Variants in CCDC57 observed in about 807,000 individuals in gnomAD.
The protein encoded by CCDC57 is coiled-coil domain containing 57.
Under a neutral mutation model 118.9 loss-of-function variants are expected in CCDC57, and 118 were observed. The observed-to-expected ratio is 0.99, with a 90% CI of 0.86 to 1.16. CCDC57 has a LOEUF of 1.16. Ranked by LOEUF, CCDC57 falls within the 50% of genes most tolerant of loss-of-function variation. The pLI, the probability that CCDC57 is intolerant of heterozygous loss-of-function variation, is 0.00. For missense variants in CCDC57, 1,300 were observed against 1,320.7 expected (o/e 0.98, Z 0.24); for synonymous variants, 527 against 532.9 (o/e 0.99, Z 0.15).
At position 82,212,397 on chromosome 17, in the gene CCDC57, CTTTT is replaced by C. The variant is rs55941734; in HGVS notation, c.-211+384_-211+387del. Among the ~76,000 whole-genome samples the C allele has an allele frequency of 1.5e-4, 20 of 135,112 alleles. 1 individual carries two copies. The highest frequency in any genetic ancestry group is 2.2e-4 in the South Asian group (1 of 4,568). The allele number at this position is 135,112 out of a possible 152,430, so 88.6% of individuals were successfully genotyped here. The stretch of plus-strand genomic sequence containing the variant: ...CGCCTCCGGCCTTTTTTTTTCCTCT[CTTTT>C]TTTTTTTTTTTTTTTAAACTCACAG... On this transcript the variant is annotated intron_variant, in intron 1 of 19. Transcript: ENST00000665763. The surrounding 1 kb of genome is among the most constrained non-coding windows in gnomAD (Gnocchi z 4.1).
chr17:82,115,277 CAAGAGG>C, intron 19 of CCDC57, among the ~76,000 whole-genome samples: 1 of 44,352 alleles, frequency 2.3e-5, no homozygotes, highest in Non-Finnish European at 4.7e-5. Flanking sequence ...GAAGAGGGGG[CAAGAGG>C]GGGCAAGAGG....
At chr17:82,188,070 GT>G in intron 8 of CCDC57, 148 bp downstream of exon 7, 2 of 536,794 alleles carry the variant, frequency 3.7e-6, no homozygotes, top group South Asian at 3.1e-5. Flanking sequence ...AAAAAAAAGA[GT>G]GGTTAAGAAA....
chr17:82,133,860 A>AAAACAAAC (rs57364948), intron 17 of CCDC57, among the ~76,000 whole-genome samples: 2 of 151,442 alleles, frequency 1.3e-5, no homozygotes, highest in Admixed American at 6.6e-5. Flanking sequence ...ACTGTCTCAA[A>AAAACAAAC]AAACAAACAA....
chr17:82,141,536 G>T (rs2040012613), intron 16 of CCDC57, among the ~76,000 whole-genome samples: 1 of 152,174 alleles, frequency 6.6e-6, no homozygotes, highest in South Asian at 2.1e-4. Flanking sequence ...AATTCTTTAC[G>T]GAAACTTCTA....
At chr17:82,196,220 G>C (rs528281572) in intron 4 of CCDC57, among the ~76,000 whole-genome samples, 1 of 152,234 alleles carries the variant, frequency 6.6e-6, no homozygotes, top group African/African-American at 2.4e-5. Context: ...TTCTTTGGAA[G>C]TGACTTTGGA....
At chr17:82,133,785 G>A (rs1380219962) in intron 17 of CCDC57, among the ~76,000 whole-genome samples, 2 of 151,664 alleles carry the variant, frequency 1.3e-5, no homozygotes, top group African/African-American at 2.4e-5. Context: ...TGCTTGAACC[G>A]GGAGGGGGAG....
At chr17:82,197,621 T>C (rs2048478989) in intron 4 of CCDC57, among the ~76,000 whole-genome samples, 1 of 152,242 alleles carries the variant, frequency 6.6e-6, no homozygotes, top group Non-Finnish European at 1.5e-5. Context: ...TGCTGGTTAA[T>C]TCCATGTGTC....
At chr17:82,137,766 T>C (rs6502065) in intron 16 of CCDC57, among the ~76,000 whole-genome samples, 70,610 of 151,010 alleles carry the variant, frequency 0.47, 17,297 homozygotes, top group East Asian at 0.88. Context: ...CTCTGACTTC[T>C]TGGTTCAAGC....
chr17:82,176,852 T>G (rs1418128606), intron 11 of CCDC57, among the ~76,000 whole-genome samples: 1 of 152,122 alleles, frequency 6.6e-6, no homozygotes, highest in East Asian at 1.9e-4. Context: ...TGAGGGTTTT[T>G]TTTTTTTTTC....
chr17:82,177,278 A>G (rs1393732690), intron 11 of CCDC57, among the ~76,000 whole-genome samples: 3 of 152,110 alleles, frequency 2.0e-5, no homozygotes, highest in Non-Finnish European at 4.4e-5. Flanking sequence ...CAGGAGGCTG[A>G]GGCAGGAGAA....
intron 19 of CCDC57, among the ~76,000 whole-genome samples, chr17:82,119,261 A>T (rs1372542466): frequency 9.9e-5 from 15 of 151,956 alleles, no homozygotes; most frequent in Admixed American, 9.8e-4. Flanking sequence ...TAAGCCTCAA[A>T]CATTTTTTTG....
exon 3 of CCDC57, chr17:82,201,911 C>T (rs1448993943): frequency 6.2e-7 from 1 of 1,605,320 alleles, no homozygotes; most frequent in East Asian, 2.2e-5. Flanking sequence ...AGCAGCAGCT[C>T]ATTCAGGGCG....
At chr17:82,210,422 A>G (rs1242206164) in intron 1 of CCDC57, among the ~76,000 whole-genome samples, 1 of 152,084 alleles carries the variant, frequency 6.6e-6, no homozygotes, top group East Asian at 1.9e-4. Flanking sequence ...CTGTAATCCC[A>G]GCACTTTCGG....
chr17:82,178,867 G>A (rs538800398), intron 10 of CCDC57, among the ~76,000 whole-genome samples, 160 bp downstream of exon 9: 50 of 152,294 alleles, frequency 3.3e-4, no homozygotes, highest in Admixed American at 3.1e-3. Context: ...GTGGACAGGC[G>A]GGGTGCATTT....
intron 15 of CCDC57, chr17:82,157,510 C>G (rs1217925676): frequency 7.7e-6 from 11 of 1,423,414 alleles, no homozygotes; most frequent in Non-Finnish European, 9.1e-6. Flanking sequence ...GTCCCGCCCC[C>G]CACCAACGGG....
intron 17 of CCDC57, among the ~76,000 whole-genome samples, chr17:82,131,104 G>A (rs994311024): frequency 6.6e-6 from 1 of 151,052 alleles, no homozygotes; most frequent in Non-Finnish European, 1.5e-5. Context: ...TGAGCCACTG[G>A]GCCCAAATAC....
chr17:82,134,681 C>G (rs1211527304), intron 16 of CCDC57, among the ~76,000 whole-genome samples: 1 of 152,152 alleles, frequency 6.6e-6, no homozygotes, highest in Non-Finnish European at 1.5e-5. Context: ...GTAATCCCAG[C>G]TACTCGGGAG....
At chr17:82,200,092 A>G (rs2048816280) in intron 3 of CCDC57, among the ~76,000 whole-genome samples, 1 of 152,206 alleles carries the variant, frequency 6.6e-6, no homozygotes, top group Non-Finnish European at 1.5e-5. Flanking sequence ...CACCACACCC[A>G]CCAATGTGGG....
chr17:82,125,975 T>TG (rs2037372671), intron 19 of CCDC57, among the ~76,000 whole-genome samples: 1 of 152,134 alleles, frequency 6.6e-6, no homozygotes, highest in South Asian at 2.1e-4. Context: ...GTTGCCACTT[T>TG]GGGGGTTAAT....
Sources: gnomAD v4.1 joint callset for allele counts (sites outside exome capture counted in the v4.1 genomes callset) on GRCh38, gnomAD v4.1.1 for gene constraint, Gnocchi (gnomAD v3.1) non-coding constraint, MANE v1.5 for transcripts, NCBI Gene and HGNC (gene_info 2026-07-23, HGNC 2026-07-21) for gene names.